The following OR7C1 variants were observed in gnomAD, a reference collection of about 807,000 sequenced individuals.
OR7C1 encodes olfactory receptor family 7 subfamily C member 1.
For missense variants in OR7C1, 324 were observed against 383.3 expected (o/e 0.85, Z 1.29); for synonymous variants, 152 against 160.7 (o/e 0.95, Z 0.41).
At chr19:14,823,257 AGCCTGGCAAACATGGCG>A (rs1292491412) in intron 1 of OR7C1, among the ~76,000 whole-genome samples, 1 of 151,804 alleles carries the variant, frequency 6.6e-6, no homozygotes, top group African/African-American at 2.4e-5. Flanking sequence ...GTTCGAGACC[AGCCTGGCAAACATGGCG>A]AAACCCCATC....
At chr19:14,821,386 G>A (rs1826124170) in intron 1 of OR7C1, 1 of 152,240 alleles carries the variant, frequency 6.6e-6, no homozygotes, top group African/African-American at 2.4e-5. Context: ...GGGCCCTGGA[G>A]TCCGGAGATA....
intron 2 of OR7C1, among the ~76,000 whole-genome samples, chr19:14,802,327 C>T (rs1413988592): frequency 1.3e-5 from 2 of 152,040 alleles, no homozygotes; most frequent in African/African-American, 4.8e-5. Flanking sequence ...CGAGACCAGC[C>T]TGGGCGACAT....
At chr19:14,830,840 G>A (rs367801627) in intron 1 of OR7C1, among the ~76,000 whole-genome samples, 32 of 152,204 alleles carry the variant, frequency 2.1e-4, no homozygotes, top group African/African-American at 3.6e-4. Flanking sequence ...CACAACCCTC[G>A]TGTGCCAATG....
At chr19:14,831,636 G>C (rs1190531457) in intron 1 of OR7C1, among the ~76,000 whole-genome samples, 1 of 151,924 alleles carries the variant, frequency 6.6e-6, no homozygotes, top group South Asian at 2.1e-4. Flanking sequence ...GTAGAGATGG[G>C]GTTTCACCAT....
intron 1 of OR7C1, chr19:14,826,407 C>T (rs960908511): frequency 3.3e-5 from 5 of 152,068 alleles, no homozygotes; most frequent in African/African-American, 9.7e-5. Flanking sequence ...TAGAAGGATT[C>T]GTATTTGTAG....
intron 1 of OR7C1, among the ~76,000 whole-genome samples, chr19:14,833,312 C>T (rs1455649894): frequency 1.3e-5 from 2 of 152,230 alleles, no homozygotes; most frequent in Non-Finnish European, 2.9e-5. Flanking sequence ...AACGCCATCT[C>T]TACCAAAAAT....
At chr19:14,821,514 A>T (rs1432197993) in intron 1 of OR7C1, 5 of 152,226 alleles carry the variant, frequency 3.3e-5, no homozygotes, top group Non-Finnish European at 7.3e-5. Context: ...AAAACAAAAC[A>T]AAACTATTCC....
intron 2 of OR7C1, among the ~76,000 whole-genome samples, chr19:14,804,733 G>T (rs967561619): frequency 6.6e-6 from 1 of 151,970 alleles, no homozygotes; most frequent in Admixed American, 6.5e-5. Flanking sequence ...ACTGTAATGT[G>T]TAAGTGGTTT....
chr19:14,827,325 A>G (rs764816788), intron 1 of OR7C1: 10 of 1,580,250 alleles, frequency 6.3e-6, no homozygotes, highest in Non-Finnish European at 8.6e-6. Flanking sequence ...TGTTCCCCAC[A>G]ACAAATGTAT....
chr19:14,811,613 A>G (rs2044691330), intron 1 of OR7C1, among the ~76,000 whole-genome samples: 1 of 151,610 alleles, frequency 6.6e-6, no homozygotes, highest in Non-Finnish European at 1.5e-5. Flanking sequence ...CACCAAACTT[A>G]CTGTGCTCAA....
chr19:14,799,013 G>A (rs2044624986), exon 5 of OR7C1: 1 of 786,380 alleles, frequency 1.3e-6, no homozygotes, highest in Non-Finnish European at 1.8e-6. Context: ...CCTTGCCAAG[G>A]ACTCTGTGGC....
At chr19:14,819,147 C>A in intron 1 of OR7C1, among the ~76,000 whole-genome samples, 1 of 149,492 alleles carries the variant, frequency 6.7e-6, no homozygotes, top group Non-Finnish European at 1.5e-5. Context: ...GCAATCAGAT[C>A]TATTTTTTTT....
At chr19:14,822,014 G>T (rs1034872972) in intron 1 of OR7C1, among the ~76,000 whole-genome samples, 14 of 152,206 alleles carry the variant, frequency 9.2e-5, no homozygotes, top group African/African-American at 2.9e-4. Flanking sequence ...GTTCATCCGT[G>T]TGGTCACAAA....
intron 1 of OR7C1, among the ~76,000 whole-genome samples, chr19:14,820,530 C>T (rs544842353): frequency 1.7e-4 from 26 of 151,754 alleles, no homozygotes; most frequent in South Asian, 4.2e-4. Context: ...CAAACCTGCA[C>T]GTTCTGCACA....
intron 2 of OR7C1, among the ~76,000 whole-genome samples, chr19:14,806,169 TCC>T (rs559807936): frequency 1.3e-5 from 2 of 152,072 alleles, no homozygotes; most frequent in East Asian, 3.9e-4. Flanking sequence ...ATACCTAGTG[TCC>T]TTGGCTCCCC....
chr19:14,811,729 A>G (rs900692416), intron 1 of OR7C1, among the ~76,000 whole-genome samples: 3 of 151,970 alleles, frequency 2.0e-5, no homozygotes, highest in Non-Finnish European at 2.9e-5. Context: ...GCTGATAATC[A>G]CAGAGGACAC....
chr19:14,809,283 A>G (rs2044680013), intron 2 of OR7C1, among the ~76,000 whole-genome samples: 1 of 151,904 alleles, frequency 6.6e-6, no homozygotes, highest in East Asian at 1.9e-4. Context: ...TCTCACTCAC[A>G]ATGCTTCATA....
intron 1 of OR7C1, among the ~76,000 whole-genome samples, chr19:14,821,880 C>T (rs977762575): frequency 6.6e-6 from 1 of 152,204 alleles, no homozygotes; most frequent in South Asian, 2.1e-4. Context: ...AAATGTCCCT[C>T]ACCATTGTCA....
exon 5 of OR7C1, chr19:14,799,464 T>C (rs1287532386): frequency 1.2e-6 from 2 of 1,614,138 alleles, no homozygotes; most frequent in Non-Finnish European, 8.5e-7. Context: ...ATCCTCAGTA[T>C]AGAGAAAACA....
Sources: gnomAD v4.1 joint callset for allele counts (sites outside exome capture counted in the v4.1 genomes callset) on GRCh38, gnomAD v4.1.1 for gene constraint, MANE v1.5 for transcripts, NCBI Gene and HGNC (gene_info 2026-07-23, HGNC 2026-07-21) for gene names.